The following PAK5 variants were observed in gnomAD, a reference collection of about 807,000 sequenced individuals.
PAK5 encodes the protein p21 (RAC1) activated kinase 5, also known as serine/threonine-protein kinase PAK 5.
A neutral mutation model predicts 65.9 loss-of-function variants in PAK5; 16 were observed. The observed-to-expected ratio is 0.24, with a 90% CI of 0.16 to 0.37. The LOEUF is 0.37. Among genes scored for constraint, PAK5 ranks in the 10% least tolerant of loss-of-function variants. The probability of loss-of-function intolerance (pLI) is 1.00; values close to 1 mark genes in which losing one functional copy is unlikely to be tolerated. For synonymous variants in PAK5, 371 were observed against 354.9 expected, an observed-to-expected ratio of 1.05 and a Z score of -0.51; for missense variants, 785 against 903.9, an observed-to-expected ratio of 0.87 and a Z score of 1.69.
intron 2 of PAK5, among the ~76,000 whole-genome samples, chr20:9,695,337 T>C (rs2047853904): frequency 6.6e-6 from 1 of 152,130 alleles, no homozygotes; most frequent in Non-Finnish European, 1.5e-5. Flanking sequence ...TGCTCAAAGA[T>C]GTATTTGATG....
intron 2 of PAK5, among the ~76,000 whole-genome samples, chr20:9,657,086 G>A (rs1460285175): frequency 1.3e-5 from 2 of 152,096 alleles, no homozygotes; most frequent in Non-Finnish European, 2.9e-5. Flanking sequence ...CACAATCAGT[G>A]TATAGAACTG....
At chr20:9,828,208 A>G (rs954700573) in intron 1 of PAK5, among the ~76,000 whole-genome samples, 3 of 152,260 alleles carry the variant, frequency 2.0e-5, no homozygotes, top group African/African-American at 4.8e-5. Flanking sequence ...TGAAAGAGAT[A>G]GCACACAACC....
intron 4 of PAK5, among the ~76,000 whole-genome samples, chr20:9,569,612 G>A (rs1245495385): frequency 6.6e-6 from 1 of 152,206 alleles, no homozygotes; most frequent in African/African-American, 2.4e-5. Flanking sequence ...GTGGGATGGG[G>A]CATGTTGCTC....
At chr20:9,606,699 C>T (rs1197209679) in intron 3 of PAK5, among the ~76,000 whole-genome samples, 1 of 152,212 alleles carries the variant, frequency 6.6e-6, no homozygotes, top group African/African-American at 2.4e-5. Flanking sequence ...GAAGCAGACA[C>T]AAGGTGAGAA....
At chr20:9,558,001 G>C (rs577150909) in intron 6 of PAK5, among the ~76,000 whole-genome samples, 7 of 137,238 alleles carry the variant, frequency 5.1e-5, no homozygotes, top group Non-Finnish European at 7.8e-5. Context: ...TGCACTTCCA[G>C]GAACTCATTT....
chr20:9,743,901 T>C (rs2048478066), intron 1 of PAK5, among the ~76,000 whole-genome samples: 1 of 152,162 alleles, frequency 6.6e-6, no homozygotes, highest in Non-Finnish European at 1.5e-5. Context: ...TCTTGAGATG[T>C]GGAGATAATC....
chr20:9,731,976 T>C (rs558752416), intron 1 of PAK5, among the ~76,000 whole-genome samples: 1 of 152,300 alleles, frequency 6.6e-6, no homozygotes, highest in East Asian at 1.9e-4. Flanking sequence ...CAGCTTCCAA[T>C]GAAAGTATTA....
chr20:9,648,231 A>G lies in PAK5; in HGVS notation c.-11-3892T>C, dbSNP rs1416978218. Reference sequence around the variant, plus strand: ...CAAAATTAGCAGTGGGAAAAGGTGCATGGGGCCAAGTCCAGAGAATACAGG... The same window carrying G: ...CAAAATTAGCAGTGGGAAAAGGTGCGTGGGGCCAAGTCCAGAGAATACAGG... On this transcript the variant is annotated intron_variant, in intron 2 of 9. Transcript: ENST00000353224. 2.0e-5 allele frequency among the ~76,000 whole-genome samples: 3 copies of G among 152,198 alleles called. No homozygotes were observed. The East Asian group carries it at 5.8e-4, about 29-fold the overall frequency.
chr20:9,715,622 A>T (rs1011517496), intron 1 of PAK5, among the ~76,000 whole-genome samples: 2 of 152,000 alleles, frequency 1.3e-5, no homozygotes, highest in African/African-American at 2.4e-5. Flanking sequence ...CACTATTCAC[A>T]ATAGCAAAGA....
chr20:9,822,339 TTTACTC>T (rs1468730029), intron 1 of PAK5, among the ~76,000 whole-genome samples: 3 of 151,894 alleles, frequency 2.0e-5, no homozygotes, highest in African/African-American at 7.3e-5. Context: ...AGTCAAATGA[TTTACTC>T]TTAGGAATAT....
intron 4 of PAK5, chr20:9,575,517 C>T (rs1487227234): frequency 6.6e-6 from 1 of 152,184 alleles, no homozygotes; most frequent in Non-Finnish European, 1.5e-5. Context: ...AACAAGACTA[C>T]CACTTAAGGT....
intron 2 of PAK5, among the ~76,000 whole-genome samples, chr20:9,684,884 T>C (rs565721686): frequency 8.5e-5 from 13 of 152,330 alleles, no homozygotes; most frequent in Admixed American, 5.9e-4. Context: ...GGAGTATGCC[T>C]GCCTTGGCAA....
chr20:9,723,277 T>C (rs2048239135), intron 1 of PAK5, among the ~76,000 whole-genome samples: 1 of 152,168 alleles, frequency 6.6e-6, no homozygotes, highest in Non-Finnish European at 1.5e-5. Flanking sequence ...CAGTGAGACG[T>C]GGTTCAATTC....
chr20:9,669,277 C>A (rs980567555), intron 2 of PAK5, among the ~76,000 whole-genome samples: 5 of 152,022 alleles, frequency 3.3e-5, no homozygotes, highest in African/African-American at 1.2e-4. Flanking sequence ...AATATATTTA[C>A]TTGCTAGTTT....
At chr20:9,809,905 G>C (rs1309903264) in intron 1 of PAK5, among the ~76,000 whole-genome samples, 6 of 152,128 alleles carry the variant, frequency 3.9e-5, no homozygotes, top group Non-Finnish European at 7.4e-5. Flanking sequence ...TCAAACTTTG[G>C]AAGACTCTGG....
rs139275697 is a variant in PAK5 at position 9,618,780 on chromosome 20, C to T, written c.204+25345G>A. 3.2e-4 allele frequency among the ~76,000 whole-genome samples: 48 copies of T among 151,668 alleles called. No individual in the cohort carries two copies. The East Asian group carries it at 9.1e-3, about 29-fold the overall frequency. ...GGTGACAGGTACAGTTCTATAAGTA[C>T]AAGCAACTTAAGGAAAAGCTGAGAT... On this transcript the variant is annotated intron_variant, in intron 3 of 9. Transcript: ENST00000353224.
At chr20:9,796,084 C>T (rs6077600) in intron 1 of PAK5, among the ~76,000 whole-genome samples, 3 of 151,722 alleles carry the variant, frequency 2.0e-5, no homozygotes, top group Admixed American at 1.3e-4. Flanking sequence ...AGTCCCCCAA[C>T]AAATACCATT....
intron 2 of PAK5, among the ~76,000 whole-genome samples, chr20:9,676,956 A>C (rs1304147355): frequency 6.6e-6 from 1 of 152,106 alleles, no homozygotes; most frequent in African/African-American, 2.4e-5. Flanking sequence ...AGAGACCCTA[A>C]CATTTTATCA....
intron 1 of PAK5, among the ~76,000 whole-genome samples, chr20:9,787,988 G>GC (rs370766625): frequency 9.9e-5 from 15 of 151,256 alleles, no homozygotes; most frequent in East Asian, 1.9e-4. Context: ...TGTGTTGGGG[G>GC]GGGTATGTGT....
Sources: allele counts gnomAD v4.1 joint callset (sites outside exome capture counted in the v4.1 genomes callset), GRCh38; gene constraint gnomAD v4.1.1; transcripts MANE v1.5; gene names NCBI Gene and HGNC (gene_info 2026-07-23, HGNC 2026-07-21).